MARK1: variants seen among roughly 807,000 people sequenced by gnomAD.
MARK1 encodes the protein microtubule affinity regulating kinase 1.
Under a neutral mutation model 96.3 loss-of-function variants are expected in MARK1, and 40 were observed. That is an observed-to-expected ratio of 0.42 (90% CI 0.32 to 0.54). MARK1 has a LOEUF of 0.54. MARK1 is among the 20% of genes least tolerant of loss of function. The pLI, the probability that MARK1 is intolerant of heterozygous loss-of-function variation, is 0.16. For missense variants in MARK1, 719 were observed against 984.6 expected (o/e 0.73, Z 3.61); for synonymous variants, 317 against 341.2 (o/e 0.93, Z 0.78).
At chr1:220,626,064 A>C in intron 9 of MARK1, 1 of 581,624 alleles carries the variant, frequency 1.7e-6, no homozygotes, top group East Asian at 4.1e-5. Context: ...TTGAATTCTT[A>C]CAGTTGTCTA....
intron 6 of MARK1, among the ~76,000 whole-genome samples, chr1:220,610,891 G>C (rs572051016): frequency 2.0e-4 from 31 of 152,184 alleles, no homozygotes; most frequent in Non-Finnish European, 5.9e-5. Flanking sequence ...GGAGGCTGCA[G>C]AACAGCAAAT....
At chr1:220,555,113 T>C (rs903405574) in intron 1 of MARK1, among the ~76,000 whole-genome samples, 1 of 152,154 alleles carries the variant, frequency 6.6e-6, no homozygotes, top group African/African-American at 2.4e-5. Flanking sequence ...ACTGATTCCA[T>C]TGTGAACTGG....
chr1:220,621,753 C>CTCTA (rs988361677), intron 9 of MARK1, among the ~76,000 whole-genome samples: 1 of 151,742 alleles, frequency 6.6e-6, no homozygotes, highest in Non-Finnish European at 1.5e-5. Flanking sequence ...TTAGAGTATC[C>CTCTA]TCTAGTCTTT....
In MARK1 at chr1:220,581,056, C is replaced by CT; in HGVS notation, c.256-3dup. On this transcript the variant is annotated splice_polypyrimidine_tract_variant and intron_variant, in intron 2 of 17. Coordinates refer to ENST00000366917, the MANE Select transcript of MARK1 (RefSeq NM_018650.5). Reference sequence around the variant, plus strand: ...TTTCAAATAGAGTTTAATGATTCTTCTTTTTTAGGTTGCTGTGAAAATAAT... The same window carrying CT: ...TTTCAAATAGAGTTTAATGATTCTTCTTTTTTTAGGTTGCTGTGAAAATAAT... 3 of 1,237,068 alleles carry CT rather than the reference C, an allele frequency of 2.4e-6. No homozygotes were observed. Among genetic ancestry groups the CT allele is most frequent in the African/African-American group, 1.5e-5 (1 of 65,304 alleles). The allele number at this position is 1,237,068 out of a possible 1,614,324, so 76.6% of individuals were successfully genotyped here.
chr1:220,604,559 G>A (rs1248727340), intron 6 of MARK1, among the ~76,000 whole-genome samples: 1 of 151,652 alleles, frequency 6.6e-6, no homozygotes, highest in Non-Finnish European at 1.5e-5. Context: ...AGATGTTTTG[G>A]TGTTTAAACT....
intron 3 of MARK1, among the ~76,000 whole-genome samples, chr1:220,588,562 A>G (rs750161795): frequency 3.9e-5 from 6 of 152,200 alleles, no homozygotes; most frequent in Non-Finnish European, 7.3e-5. Context: ...TTTCATAGGA[A>G]GACCTTAAGA....
intron 6 of MARK1, among the ~76,000 whole-genome samples, chr1:220,608,542 A>G (rs777857291): frequency 5.9e-5 from 9 of 151,824 alleles, no homozygotes; most frequent in Non-Finnish European, 8.8e-5. Context: ...GGGTTTTTTT[A>G]TGTCTCAATC....
At chr1:220,608,085 G>A (rs1459126811) in intron 6 of MARK1, among the ~76,000 whole-genome samples, 2 of 152,148 alleles carry the variant, frequency 1.3e-5, no homozygotes, top group Non-Finnish European at 2.9e-5. Context: ...AGTTAGGGAG[G>A]ATTCCCTCTT....
chr1:220,586,009 A>ACG (rs66540247), intron 3 of MARK1, among the ~76,000 whole-genome samples: 72,701 of 129,556 alleles, frequency 0.56, 18,561 homozygotes, highest in South Asian at 0.68. Flanking sequence ...ACACACACAC[A>ACG]CACGCGCGCG....
chr1:220,566,773 A>G (rs1243730638), intron 1 of MARK1, among the ~76,000 whole-genome samples: 11 of 152,148 alleles, frequency 7.2e-5, no homozygotes, highest in Non-Finnish European at 1.6e-4. Context: ...CTATCTACTT[A>G]GTAACTACTT....
intron 11 of MARK1, 119 bp from the exon 12 acceptor site, chr1:220,635,256 TC>T: frequency 1.0e-6 from 1 of 970,686 alleles, no homozygotes; most frequent in South Asian, 1.9e-5. Context: ...CACTGTTTTT[TC>T]AGTTTGGATT....
chr1:220,646,541 A>G (rs1668584738), intron 13 of MARK1, among the ~76,000 whole-genome samples: 1 of 152,196 alleles, frequency 6.6e-6, no homozygotes, highest in Non-Finnish European at 1.5e-5. Context: ...TCTTCACAGA[A>G]TTAGAAAAAA....
At chr1:220,598,615 C>T (rs1017741776) in intron 4 of MARK1, among the ~76,000 whole-genome samples, 11 of 151,658 alleles carry the variant, frequency 7.3e-5, no homozygotes, top group African/African-American at 2.7e-4. Context: ...ATCTTCTGCT[C>T]TCCACTAAAA....
intron 1 of MARK1, among the ~76,000 whole-genome samples, chr1:220,567,548 C>A (rs540466372): frequency 9.3e-4 from 141 of 152,266 alleles, no homozygotes; most frequent in Middle Eastern, 3.4e-3. Context: ...GCTAGAATTG[C>A]TACTCTGGAC....
chr1:220,611,806 C>T (rs187357224), intron 6 of MARK1, among the ~76,000 whole-genome samples: 2,358 of 152,196 alleles, frequency 0.015, 33 homozygotes, highest in Middle Eastern at 0.044. Context: ...TATCTTGTCT[C>T]GCTGCAACCT....
intron 10 of MARK1, among the ~76,000 whole-genome samples, chr1:220,631,604 C>T (rs1189105586): frequency 6.6e-6 from 1 of 152,196 alleles, no homozygotes; most frequent in African/African-American, 2.4e-5. Flanking sequence ...CCAACCAGAG[C>T]TCTCCTTCTA....
intron 7 of MARK1, among the ~76,000 whole-genome samples, chr1:220,616,702 A>G (rs1666772517): frequency 6.6e-6 from 1 of 152,068 alleles, no homozygotes; most frequent in Non-Finnish European, 1.5e-5. Flanking sequence ...AGTCAAGTCT[A>G]ATTCTGTATT....
intron 1 of MARK1, among the ~76,000 whole-genome samples, chr1:220,551,310 T>G (rs767561690): frequency 3.9e-5 from 6 of 152,226 alleles, no homozygotes; most frequent in African/African-American, 7.2e-5. Flanking sequence ...TGGTTACTGT[T>G]TTCATTTCTG....
In MARK1 at chr1:220,528,718, G is replaced by A; in HGVS notation, c.-105G>A. The A allele has an allele frequency of 2.9e-6, 3 of 1,021,578 alleles. No individual in the cohort carries two copies. Among genetic ancestry groups the A allele is most frequent in the Non-Finnish European group, 4.1e-6 (3 of 732,394 alleles). The allele number at this position is 1,021,578 out of a possible 1,614,324, so 63.3% of individuals were successfully genotyped here. A position where few individuals can be genotyped will look rare whatever the true frequency, so the allele number is the denominator to read the frequency against. On this transcript the variant is annotated 5_prime_UTR_variant, in exon 1 of 18. Coordinates refer to ENST00000366917, the MANE Select transcript of MARK1 (RefSeq NM_018650.5). ...GCCCCGCGGCCTGCGGGAGCCGCTC[G>A]CCCCGGCCTTGTGCTCGCGTCCGCA... is the stretch of plus-strand genomic sequence containing the variant.
Sources: allele counts gnomAD v4.1 joint callset (sites outside exome capture counted in the v4.1 genomes callset), GRCh38; gene constraint gnomAD v4.1.1; transcripts MANE v1.5; gene names NCBI Gene and HGNC (gene_info 2026-07-23, HGNC 2026-07-21).